ADAM2: variants seen among roughly 807,000 people sequenced by gnomAD.
ADAM2 encodes ADAM metallopeptidase domain 2.
A neutral mutation model predicts 99.3 loss-of-function variants in ADAM2; 101 were observed. The observed-to-expected ratio is 1.02, with a 90% CI of 0.87 to 1.20. The LOEUF (loss-of-function observed/expected upper bound fraction) is 1.20, where lower values mean the gene tolerates loss of function less well. Ranked by LOEUF, ADAM2 falls within the 50% of genes most tolerant of loss-of-function variation. The probability of loss-of-function intolerance (pLI) is 0.00; values close to 1 mark genes in which losing one functional copy is unlikely to be tolerated. For missense variants in ADAM2, 948 were observed against 878.7 expected, an observed-to-expected ratio of 1.08 and a Z score of -1.00; for synonymous variants, 323 against 287.6, an observed-to-expected ratio of 1.12 and a Z score of -1.25.
intron 15 of ADAM2, among the ~76,000 whole-genome samples, chr8:39,759,514 C>G (rs1437180351): frequency 3.9e-5 from 6 of 152,092 alleles, no homozygotes; most frequent in Admixed American, 3.3e-4. Flanking sequence ...TCAATATGAA[C>G]TATGTTTGAT....
chr8:39,778,499 C>T (rs1051323632), intron 10 of ADAM2, among the ~76,000 whole-genome samples: 1 of 152,090 alleles, frequency 6.6e-6, no homozygotes, highest in African/African-American at 2.4e-5. Flanking sequence ...GATAAAATGA[C>T]TCTCTTCCCT....
rs780281485 is a variant in ADAM2 at position 39,761,218 on chromosome 8, T to C, written c.1571A>G (p.Asn524Ser). 6.2e-7 allele frequency: 1 copy of C among 1,604,502 alleles called. No homozygotes were observed. Among genetic ancestry groups the C allele is most frequent in the Non-Finnish European group, 8.5e-7 (1 of 1,174,708 alleles). Residue 524 changes from asparagine to serine, a missense_variant, in exon 15 of 21, where the codon AAC (asparagine) becomes AGC (serine). By Grantham distance (46) the Asn-to-Ser change is conservative (BLOSUM62 1). Transcript: ENST00000265708. The part of the protein sequence containing the change: ...HLNSKTDVSG[N>S]CGISDSGYTQ... The stretch of plus-strand genomic sequence containing the variant: ...GTATCCTGAATCACTTATACCACAG[T>C]TTCCAGATACATCAGTCTTTGAATT...
intron 8 of ADAM2, 86 bp from the exon 9 acceptor site, chr8:39,788,337 A>AAT: frequency 2.4e-6 from 2 of 819,030 alleles, no homozygotes; most frequent in Non-Finnish European, 3.5e-6. Flanking sequence ...ATTTATGATA[A>AAT]ATATTAAACA....
At chr8:39,755,940 T>A in intron 15 of ADAM2, 29 bp from the exon 16 acceptor site, 1 of 1,203,764 alleles carries the variant, frequency 8.3e-7, no homozygotes, top group Non-Finnish European at 1.2e-6. Flanking sequence ...TAAAAATTAT[T>A]AATTTTAATT....
intron 10 of ADAM2, among the ~76,000 whole-genome samples, chr8:39,778,347 C>T (rs992247485): frequency 6.6e-6 from 1 of 152,044 alleles, no homozygotes; most frequent in Admixed American, 6.6e-5. Context: ...GGATGCTTTG[C>T]CCTTGAGTTT....
Position 39,749,237 on chromosome 8 carries a change from A to C in ADAM2, c.2014+75T>G, listed in dbSNP as rs1217828695. 12 of 1,366,424 alleles carry C rather than the reference A, an allele frequency of 8.8e-6. No homozygotes were observed. In the East Asian group the frequency reaches 3.0e-4, roughly 34 times the overall value. The allele number at this position is 1,366,424 out of a possible 1,614,324, so 84.6% of individuals were successfully genotyped here. On this transcript the variant is annotated intron_variant, in intron 18 of 20. Transcript: ENST00000265708. The stretch of plus-strand genomic sequence containing the variant: ...TAGTCTAGATATAAATTGGTAGACA[A>C]AATATTATTTGTTATCCAATTTAAT...
At position 39,777,187 on chromosome 8, in the gene ADAM2, G is replaced by A. The variant is rs371192342; in HGVS notation, c.892-26C>T. 1,067 of 1,575,558 alleles carry A rather than the reference G, an allele frequency of 6.8e-4. 17 individuals carry two copies. In the South Asian group the frequency reaches 0.011, roughly 17 times the overall value. On this transcript the variant is annotated intron_variant, in intron 10 of 20. Coordinates refer to ENST00000265708, the MANE Select transcript of ADAM2 (RefSeq NM_001464.5). ...CTGAGAAAAAAAAATAGATGTACAC[G>A]TTTTGGGAGATTATTTTGTTTACTG...
At chr8:39,814,595 G>A (rs190557103) in intron 6 of ADAM2, among the ~76,000 whole-genome samples, 40 of 152,146 alleles carry the variant, frequency 2.6e-4, no homozygotes, top group Middle Eastern at 3.4e-3. Flanking sequence ...ATTTAAAAAC[G>A]TCAAAGGTCC....
In ADAM2 at chr8:39,767,218, T is replaced by C. The variant is rs1418495163; in HGVS notation, c.1246A>G (p.Ile416Val). The change falls in exon 13 of 21, where the codon ATT (isoleucine) becomes GTT (valine). Residue 416 changes from isoleucine to valine, a missense_variant. By Grantham distance (29) the Ile-to-Val change is conservative. Transcript: ENST00000265708. Reference sequence around the variant, plus strand: ...CCGGCTTTAAATCTACATGTGGCAATATCACAGCATGTTTCTCCAATAAGG... The same window carrying C: ...CCGGCTTTAAATCTACATGTGGCAACATCACAGCATGTTTCTCCAATAAGG... ...CALIGETCCD[I>V]ATCRFKAGSN... 6.2e-7 allele frequency: 1 copy of C among 1,607,672 alleles called. No individual in the cohort carries two copies. Among genetic ancestry groups the C allele is most frequent in the South Asian group, 1.1e-5 (1 of 89,914 alleles).
intron 3 of ADAM2, among the ~76,000 whole-genome samples, chr8:39,827,628 G>A (rs1805463185): frequency 1.3e-5 from 2 of 152,158 alleles, no homozygotes; most frequent in South Asian, 2.1e-4. Flanking sequence ...AATAAGCCAA[G>A]TTTAGAAAGA....
Position 39,756,420 on chromosome 8 carries a change from G to A in ADAM2, c.1614-509C>T, listed in dbSNP as rs114833640. ...TAGTATGTCCTACAGATTAATGTGAGCATTTGCCTACAGTACATGCTACAA... is the reference window on the plus strand; with the variant it reads ...TAGTATGTCCTACAGATTAATGTGAACATTTGCCTACAGTACATGCTACAA... On this transcript the variant is annotated intron_variant, in intron 15 of 20. Transcript: ENST00000265708. Among the ~76,000 whole-genome samples, 1,027 of 152,228 alleles carry A rather than the reference G, an allele frequency of 6.7e-3. 9 individuals carry two copies. The highest frequency in any genetic ancestry group is 0.023 in the African/African-American group (971 of 41,526).
intron 16 of ADAM2, among the ~76,000 whole-genome samples, chr8:39,752,805 T>C (rs1471926411): frequency 2.0e-5 from 3 of 152,166 alleles, no homozygotes; most frequent in East Asian, 1.9e-4. Context: ...GCAGTTCCCC[T>C]GCACACACTC....
chr8:39,790,744 A>G (rs915866231), intron 7 of ADAM2, among the ~76,000 whole-genome samples: 5 of 152,026 alleles, frequency 3.3e-5, no homozygotes, highest in Admixed American at 2.0e-4. Flanking sequence ...AGAAGCAGTT[A>G]GAACTTCCAA....
At chr8:39,829,189 A>T (rs955611683) in intron 3 of ADAM2, among the ~76,000 whole-genome samples, 1 of 151,956 alleles carries the variant, frequency 6.6e-6, no homozygotes, top group Non-Finnish European at 1.5e-5. Flanking sequence ...ATTATATAAG[A>T]TTTAGTCATG....
chr8:39,813,694 C>T (rs1011655870), intron 6 of ADAM2, among the ~76,000 whole-genome samples: 2 of 152,078 alleles, frequency 1.3e-5, no homozygotes, highest in African/African-American at 4.8e-5. Context: ...ACCACATGTT[C>T]TCACTCAGAA....
chr8:39,795,887 T>G (rs990321899), intron 7 of ADAM2, among the ~76,000 whole-genome samples: 1 of 152,278 alleles, frequency 6.6e-6, no homozygotes, highest in Admixed American at 6.5e-5. Flanking sequence ...TAAAGAAACA[T>G]GTTTCTCACT....
At chr8:39,808,036 A>G (rs1041758904) in intron 7 of ADAM2, among the ~76,000 whole-genome samples, 4 of 152,190 alleles carry the variant, frequency 2.6e-5, no homozygotes, top group Non-Finnish European at 5.9e-5. Context: ...CTACAACACA[A>G]GTCTTCTCTC....
intron 14 of ADAM2, among the ~76,000 whole-genome samples, chr8:39,766,501 G>A (rs1278324262): frequency 6.7e-6 from 1 of 149,772 alleles, no homozygotes; most frequent in Non-Finnish European, 1.5e-5. Context: ...GTGCAGTGGC[G>A]TGATCTCAGC....
At chr8:39,786,096 A>C (rs1464919490) in intron 10 of ADAM2, among the ~76,000 whole-genome samples, 1 of 152,142 alleles carries the variant, frequency 6.6e-6, no homozygotes, top group African/African-American at 2.4e-5. Context: ...TATAAGTGGG[A>C]GCTAAACATT....
Sources: allele counts gnomAD v4.1 joint callset (sites outside exome capture counted in the v4.1 genomes callset), GRCh38; gene constraint gnomAD v4.1.1; transcripts MANE v1.5; gene names NCBI Gene and HGNC (gene_info 2026-07-23, HGNC 2026-07-21).